DAPK1: variants seen among roughly 807,000 people sequenced by gnomAD.
The protein encoded by DAPK1 is death associated protein kinase 1.
A neutral mutation model predicts 144.9 loss-of-function variants in DAPK1; 56 were observed. The ratio of observed to expected loss-of-function variants is 0.39; its 90% CI spans 0.31 to 0.48. DAPK1 has a LOEUF of 0.48. Among genes scored for constraint, DAPK1 ranks in the 20% least tolerant of loss-of-function variants. The probability of loss-of-function intolerance (pLI) is 0.95; values close to 1 mark genes in which losing one functional copy is unlikely to be tolerated. For synonymous variants in DAPK1, 690 were observed against 749.0 expected, an observed-to-expected ratio of 0.92 and a Z score of 1.29; for missense variants, 1,454 against 1,875.4, an observed-to-expected ratio of 0.78 and a Z score of 4.15.
chr9:87,681,699 G>A (rs146560796), intron 20 of DAPK1, 73 bp downstream of exon 20: 5 of 808,348 alleles, frequency 6.2e-6, no homozygotes, highest in East Asian at 5.1e-5. Flanking sequence ...CAAGGTCTAG[G>A]GGGGAAGGGA....
chr9:87,643,347 CTTT>C (rs10650070), intron 10 of DAPK1, 26 bp from the exon 11 acceptor site: 2,185 of 997,304 alleles, frequency 2.2e-3, no homozygotes, highest in Admixed American at 3.3e-3. Context: ...CCCGCCCTCC[CTTT>C]TTTTTTTTTT....
chr9:87,706,491 C>T lies in DAPK1; in HGVS notation c.3420C>T (p.Phe1140=). 2 of 1,614,140 alleles carry T rather than the reference C, an allele frequency of 1.2e-6. No homozygotes were observed. Among genetic ancestry groups the T allele is most frequent in the South Asian group, 2.2e-5 (2 of 91,086 alleles). ...TGCCCGTGGAACACCTCACCCCCTTCCCATGTGGCATCTTTCACAAGGTCC... is the reference window on the plus strand; with the variant it reads ...TGCCCGTGGAACACCTCACCCCCTTTCCATGTGGCATCTTTCACAAGGTCC... ...RIVPVEHLTP[F]PCGIFHKVQV... is the part of the protein sequence containing the mutation. The change falls in exon 26 of 26, where the codon TTC becomes TTT. Residue 1140 remains phenylalanine, a synonymous_variant. Coordinates refer to ENST00000408954, the MANE Select transcript of DAPK1 (RefSeq NM_004938.4). The surrounding 1 kb of genome is among the most constrained non-coding windows in gnomAD (Gnocchi z 9.0).
At chr9:87,685,797 T>G (rs1824820821) in intron 20 of DAPK1, among the ~76,000 whole-genome samples, 1 of 152,226 alleles carries the variant, frequency 6.6e-6, no homozygotes, top group South Asian at 2.1e-4. Flanking sequence ...AAATGAAAGT[T>G]AATATCCCTA....
At chr9:87,573,721 A>G (rs544029558) in intron 2 of DAPK1, among the ~76,000 whole-genome samples, 22 of 152,318 alleles carry the variant, frequency 1.4e-4, no homozygotes, top group Admixed American at 5.2e-4. Flanking sequence ...TAAAGCTCCA[A>G]TACTCCAAGT....
At chr9:87,512,177 C>T (rs1824872971) in intron 2 of DAPK1, among the ~76,000 whole-genome samples, 1 of 152,214 alleles carries the variant, frequency 6.6e-6, no homozygotes, top group Admixed American at 6.5e-5. Flanking sequence ...CTCACCTCAG[C>T]CTCCTGCATA....
chr9:87,602,334 G>A (rs190682900), intron 2 of DAPK1, among the ~76,000 whole-genome samples: 845 of 152,222 alleles, frequency 5.6e-3, no homozygotes, highest in Non-Finnish European at 8.9e-3. Flanking sequence ...TTTCGTATGG[G>A]GACCCTGCAG....
At chr9:87,528,702 T>A (rs1326034232) in intron 2 of DAPK1, among the ~76,000 whole-genome samples, 1 of 151,538 alleles carries the variant, frequency 6.6e-6, no homozygotes, top group Non-Finnish European at 1.5e-5. Context: ...GAACCCCATG[T>A]CTACTAAAAA....
chr9:87,597,852 C>A (rs1231835947), intron 2 of DAPK1, among the ~76,000 whole-genome samples: 1 of 152,152 alleles, frequency 6.6e-6, no homozygotes, highest in Non-Finnish European at 1.5e-5. Flanking sequence ...CTCGGAAACC[C>A]TGTCCCTAAA....
At chr9:87,699,343 G>A (rs1350766792) in intron 23 of DAPK1, among the ~76,000 whole-genome samples, 1 of 152,180 alleles carries the variant, frequency 6.6e-6, no homozygotes, top group Non-Finnish European at 1.5e-5. Context: ...ACACTAATCA[G>A]TATGTCTTAC....
rs377225421 is a variant in DAPK1 at position 87,703,186 on chromosome 9, G to A, written c.3029G>A (p.Arg1010His). 74 of 1,611,750 alleles carry A rather than the reference G, an allele frequency of 4.6e-5. No homozygotes were observed. The African/African-American group carries it at 5.7e-4, about 12-fold the overall frequency. ...NPLASEEDLR[R>H]IAQQLHSTGE... ...CTGGCCAGCGAGGAGGACCTCAGGCGCATTGCTCAGCAGCTCCACAGCACA... is the reference window on the plus strand; with the variant it reads ...CTGGCCAGCGAGGAGGACCTCAGGCACATTGCTCAGCAGCTCCACAGCACA... The change falls in exon 25 of 26, where the codon CGC becomes CAC. Residue 1010 changes from arginine (R) to histidine (H), a missense_variant. Transcript: ENST00000408954.
chr9:87,568,351 G>A (rs1827207691), intron 2 of DAPK1, among the ~76,000 whole-genome samples: 3 of 152,354 alleles, frequency 2.0e-5, no homozygotes, highest in Middle Eastern at 3.4e-3. Flanking sequence ...CATTGCTCTG[G>A]ATCAAACAGA....
At chr9:87,538,061 A>T (rs1324119732) in intron 2 of DAPK1, among the ~76,000 whole-genome samples, 2 of 152,230 alleles carry the variant, frequency 1.3e-5, no homozygotes, top group Non-Finnish European at 2.9e-5. Flanking sequence ...GGTCAAAAGG[A>T]TTCTAATTAA....
intron 18 of DAPK1, among the ~76,000 whole-genome samples, chr9:87,659,820 A>T (rs1470565354): frequency 1.4e-5 from 2 of 147,224 alleles, no homozygotes; most frequent in African/African-American, 5.4e-5. Context: ...CACTCTGCAC[A>T]CACCGCACCC....
chr9:87,557,128 C>A (rs1406097984), intron 2 of DAPK1, among the ~76,000 whole-genome samples: 2 of 152,222 alleles, frequency 1.3e-5, no homozygotes, highest in Non-Finnish European at 2.9e-5. Flanking sequence ...TCCTCAACAT[C>A]CTCGAAGCTC....
At chr9:87,534,881 G>A (rs539848846) in intron 2 of DAPK1, among the ~76,000 whole-genome samples, 3 of 152,198 alleles carry the variant, frequency 2.0e-5, no homozygotes, top group African/African-American at 4.8e-5. Context: ...CTGACCTCAG[G>A]TGATCTGCCT....
intron 2 of DAPK1, among the ~76,000 whole-genome samples, chr9:87,507,563 AT>A (rs1430872350): frequency 6.6e-6 from 1 of 152,156 alleles, no homozygotes; most frequent in East Asian, 1.9e-4. Flanking sequence ...AGCTTGAAAA[AT>A]TTTATTCAGT....
rs71507734 is a variant in DAPK1 at position 87,662,560 on chromosome 9, G to GTTTTTTTTT, written c.1923+4450_1923+4458dup. On this transcript the variant is annotated intron_variant, in intron 18 of 25. Transcript: ENST00000408954. ...ACCTCCTTGGTTAAATATATTCCTA[G>GTTTTTTTTT]TTTTTTTTTTTTTTTTTTTTTTTTT... Among the ~76,000 whole-genome samples, 139 of 32,086 alleles carry GTTTTTTTTT rather than the reference G, an allele frequency of 4.3e-3. 27 individuals are homozygous for GTTTTTTTTT. Among genetic ancestry groups the GTTTTTTTTT allele is most frequent in the African/African-American group, 7.8e-3 (51 of 6,546 alleles). The allele number at this position is 32,086 out of a possible 152,430, so 21.0% of individuals were successfully genotyped here. A position where few individuals can be genotyped will look rare whatever the true frequency, so the allele number is the denominator to read the frequency against.
upstream of DAPK1, chr9:87,497,758 C>T (rs1004864001): frequency 2.2e-5 from 7 of 319,684 alleles, no homozygotes; most frequent in African/African-American, 1.3e-4. Context: ...GCCGGCCTGG[C>T]AGGGCAGCTC....
At chr9:87,541,248 C>T (rs1826039205) in intron 2 of DAPK1, among the ~76,000 whole-genome samples, 1 of 152,024 alleles carries the variant, frequency 6.6e-6, no homozygotes, top group South Asian at 2.1e-4. Flanking sequence ...TCTGTCAGCA[C>T]TTTAAAGAAT....
Sources: allele counts gnomAD v4.1 joint callset (sites outside exome capture counted in the v4.1 genomes callset), GRCh38; gene constraint gnomAD v4.1.1; non-coding constraint Gnocchi (gnomAD v3.1); transcripts MANE v1.5; gene names NCBI Gene and HGNC (gene_info 2026-07-23, HGNC 2026-07-21).